Variants in PSMF1 observed in about 807,000 individuals in gnomAD.
PSMF1 encodes the protein proteasome inhibitor subunit 1, also known as proteasome inhibitor PI31 subunit.
In PSMF1, 30 loss-of-function variants were observed where a neutral mutation model predicts 29.3. The observed-to-expected ratio is 1.02, with a 90% CI of 0.77 to 1.39. PSMF1 has a LOEUF of 1.39. Ranked by LOEUF, PSMF1 falls within the 40% of genes most tolerant of loss-of-function variation. PSMF1 has a pLI of 0.00. For synonymous variants in PSMF1, 134 were observed against 139.7 expected (o/e 0.96, Z 0.29); for missense variants, 344 against 357.5 (o/e 0.96, Z 0.31).
chr20:1,148,281 A>C (rs564080065), intron 4 of PSMF1, among the ~76,000 whole-genome samples: 10 of 152,352 alleles, frequency 6.6e-5, no homozygotes, highest in African/African-American at 2.2e-4. Flanking sequence ...TGAGAAGTCT[A>C]GGAAAGAATT....
chr20:1,120,505 G>A lies in PSMF1; in HGVS notation c.129+1603G>A, dbSNP rs961164188. ...GTAGAGACAGCACCCCCATTTCAGC[G>A]TCAGGCCCCTCTTTCAATGCATAGT... On this transcript the variant is annotated intron_variant, in intron 1 of 6. Transcript: ENST00000335877. Among the ~76,000 whole-genome samples, 9 of 152,102 alleles carry A rather than the reference G, an allele frequency of 5.9e-5. No homozygotes were observed. In the South Asian group the frequency reaches 6.2e-4, roughly 11 times the overall value.
At chr20:1,151,917 G>A (rs1199682001) in intron 4 of PSMF1, among the ~76,000 whole-genome samples, 3 of 152,166 alleles carry the variant, frequency 2.0e-5, no homozygotes, top group Admixed American at 6.5e-5. Context: ...GGGAGTTTTT[G>A]TTTCACTCAT....
intron 4 of PSMF1, chr20:1,160,757 C>A: frequency 2.3e-6 from 1 of 434,746 alleles, no homozygotes. Context: ...GCGACAAGGC[C>A]CAGAGCAAGC....
rs910193476 is a variant in PSMF1 at position 1,170,270 on chromosome 20, G to C, written c.*5190G>C. Among the ~76,000 whole-genome samples the C allele has an allele frequency of 6.6e-6, 1 of 152,184 alleles. No homozygotes were observed. The highest frequency in any genetic ancestry group is 1.5e-5 in the Non-Finnish European group (1 of 68,038). On this transcript the variant is annotated 3_prime_UTR_variant, in exon 7 of 7. Transcript: ENST00000335877. ...TTTGTGTAAACTTAAAGTGAGAGAA[G>C]CTCACATGGACTATGTCTTTTTCCT... is the stretch of plus-strand genomic sequence containing the variant.
chr20:1,115,826 G>A (rs1022306173), upstream of PSMF1, among the ~76,000 whole-genome samples: 51 of 150,290 alleles, frequency 3.4e-4, no homozygotes, highest in African/African-American at 1.2e-3. Context: ...TCTACCTCCC[G>A]GGTTCAAGCG....
intron 3 of PSMF1, among the ~76,000 whole-genome samples, chr20:1,133,188 T>G (rs2086253503): frequency 6.6e-6 from 1 of 151,642 alleles, no homozygotes; most frequent in East Asian, 1.9e-4. Flanking sequence ...CATTCAGTCT[T>G]TCACAGTAAA....
intron 4 of PSMF1, among the ~76,000 whole-genome samples, chr20:1,136,189 G>C (rs2122513871): frequency 6.6e-6 from 1 of 152,296 alleles, no homozygotes; most frequent in Admixed American, 6.5e-5. Context: ...ATAAGAAAAA[G>C]TGGTTGAAAA....
rs2086724227 is a variant in PSMF1, at chr20:1,165,951, G to T, written c.*871G>T. On this transcript the variant is annotated 3_prime_UTR_variant, in exon 7 of 7. Coordinates refer to ENST00000335877, the MANE Select transcript of PSMF1 (RefSeq NM_006814.5). ...TGCCAAGCCTATGAAATTGGAGGTGGCTTTCCTGCTCTAAAGCATTTTGAT... is the reference window on the plus strand; with the variant it reads ...TGCCAAGCCTATGAAATTGGAGGTGTCTTTCCTGCTCTAAAGCATTTTGAT... 1.5e-6 allele frequency: 2 copies of T among 1,360,482 alleles called. No homozygotes were observed. The highest frequency in any genetic ancestry group is 5.6e-5 in the East Asian group (2 of 36,014). The allele number at this position is 1,360,482 out of a possible 1,614,324, so 84.3% of individuals were successfully genotyped here.
chr20:1,163,270 G>T lies in PSMF1; in HGVS notation c.605+87G>T. On this transcript the variant is annotated intron_variant, in intron 5 of 6. Coordinates refer to ENST00000335877, the MANE Select transcript of PSMF1 (RefSeq NM_006814.5). The surrounding 1 kb of genome is among the most constrained non-coding windows in gnomAD (Gnocchi z 6.1). ...TCATCTTCTAATTTTAGAGTTTTCG[G>T]TCAGTCTCTTCCTTTGGGGTGGAGG... 6.8e-7 allele frequency: 1 copy of T among 1,461,190 alleles called. No homozygotes were observed. Among genetic ancestry groups the T allele is most frequent in the Non-Finnish European group, 9.5e-7 (1 of 1,053,810 alleles). 90.5% of individuals were successfully genotyped at this position (1,461,190 alleles called of 1,614,324 possible).
intron 1 of PSMF1, among the ~76,000 whole-genome samples, chr20:1,120,569 C>T (rs1169769774): frequency 6.6e-6 from 1 of 152,184 alleles, no homozygotes. Context: ...TTGTCTTACT[C>T]CAGCTTTTTA....
At chr20:1,146,602 G>T (rs1002751362) in intron 4 of PSMF1, among the ~76,000 whole-genome samples, 2 of 152,064 alleles carry the variant, frequency 1.3e-5, no homozygotes, top group African/African-American at 4.8e-5. Context: ...CCTCCATATC[G>T]CTCTGAAGGA....
chr20:1,160,642 G>A, intron 4 of PSMF1: 1 of 510,694 alleles, frequency 2.0e-6, no homozygotes. Flanking sequence ...TGCAAAGCTG[G>A]TTTTGCTGGG....
chr20:1,158,929 G>T (rs902431161), intron 4 of PSMF1, among the ~76,000 whole-genome samples: 3 of 152,150 alleles, frequency 2.0e-5, no homozygotes, highest in African/African-American at 7.2e-5. Context: ...GGTGGCGCAT[G>T]CCTGTAATCC....
rs1338192669 is a variant in PSMF1, at chr20:1,125,592, C to T, written c.224C>T (p.Ser75Phe). 2 of 1,613,888 alleles carry T rather than the reference C, an allele frequency of 1.2e-6. No homozygotes were observed. Among genetic ancestry groups the T allele is most frequent in the Non-Finnish European group, 1.7e-6 (2 of 1,179,976 alleles). ...YVLRYEYKDG[S>F]RKLLVKAITV... ...CTCCGGTATGAGTATAAGGATGGGT[C>T]CAGAAAGCTCCTTGTGAAAGCCATC... Residue 75 changes from serine to phenylalanine, a missense_variant, in exon 2 of 7, where the codon TCC becomes TTC. Transcript: ENST00000335877.
intron 4 of PSMF1, among the ~76,000 whole-genome samples, chr20:1,158,572 G>T (rs2086623733): frequency 6.6e-6 from 1 of 152,176 alleles, no homozygotes; most frequent in South Asian, 2.1e-4. Flanking sequence ...GAGGTGTGTT[G>T]CTTTTATGTA....
chr20:1,133,033 T>C (rs1316954788), intron 3 of PSMF1, among the ~76,000 whole-genome samples: 1 of 144,434 alleles, frequency 6.9e-6, no homozygotes, highest in Admixed American at 7.2e-5. Flanking sequence ...CATTTGCAAA[T>C]AGGGACAGTT....
chr20:1,159,069 AAAG>A (rs1458309150), intron 4 of PSMF1, among the ~76,000 whole-genome samples: 1,411 of 136,038 alleles, frequency 0.01, 28 homozygotes, highest in African/African-American at 0.035. Flanking sequence ...AAAAAAAAAA[AAAG>A]AAGAAGTAAA....
At chr20:1,143,497 T>C (rs957001098) in intron 4 of PSMF1, among the ~76,000 whole-genome samples, 7 of 152,212 alleles carry the variant, frequency 4.6e-5, no homozygotes, top group African/African-American at 1.7e-4. Flanking sequence ...ATCATTGATT[T>C]AAATGTAACA....
At chr20:1,127,113 C>T (rs2086167427) in intron 2 of PSMF1, among the ~76,000 whole-genome samples, 1 of 152,170 alleles carries the variant, frequency 6.6e-6, no homozygotes. Flanking sequence ...CTTGCTGGGT[C>T]TGCATCTCCG....
Sources: gnomAD v4.1 joint callset for allele counts (sites outside exome capture counted in the v4.1 genomes callset) on GRCh38, gnomAD v4.1.1 for gene constraint, Gnocchi (gnomAD v3.1) non-coding constraint, MANE v1.5 for transcripts, NCBI Gene and HGNC (gene_info 2026-07-23, HGNC 2026-07-21) for gene names.